The following CDH18 variants were observed in gnomAD, a reference collection of about 807,000 sequenced individuals.
CDH18 encodes the protein cadherin-18.
A neutral mutation model predicts 67.9 loss-of-function variants in CDH18; 31 were observed. The ratio of observed to expected loss-of-function variants is 0.46; its 90% CI spans 0.34 to 0.62. CDH18 has a LOEUF of 0.62. Among genes scored for constraint, CDH18 ranks in the 20% least tolerant of loss-of-function variants. The pLI is 0.01. For missense variants in CDH18, 890 were observed against 975.5 expected (o/e 0.91, Z 1.17); for synonymous variants, 362 against 347.2 (o/e 1.04, Z -0.48).
intron 2 of CDH18, among the ~76,000 whole-genome samples, chr5:20,237,326 A>G (rs925167475): frequency 6.6e-6 from 1 of 151,944 alleles, no homozygotes; most frequent in East Asian, 1.9e-4. Context: ...TTTCTTGCCC[A>G]TTAAATAAAG....
intron 1 of CDH18, among the ~76,000 whole-genome samples, chr5:20,422,540 T>C (rs955359521): frequency 6.0e-5 from 9 of 151,072 alleles, no homozygotes; most frequent in African/African-American, 1.2e-4. Flanking sequence ...TTATATTACA[T>C]ATAAATTTTA....
At chr5:19,842,363 C>T (rs1782425320) in intron 2 of CDH18, among the ~76,000 whole-genome samples, 1 of 152,104 alleles carries the variant, frequency 6.6e-6, no homozygotes. Flanking sequence ...GGCTGCTCCC[C>T]CATGCTGTTC....
At chr5:20,019,618 A>G (rs1178835476) in intron 2 of CDH18, among the ~76,000 whole-genome samples, 36 of 152,158 alleles carry the variant, frequency 2.4e-4, no homozygotes, top group Admixed American at 2.2e-3. Flanking sequence ...ACCTTCTGCC[A>G]TGATTGTACA....
At chr5:20,346,215 G>A (rs951347575) in intron 1 of CDH18, among the ~76,000 whole-genome samples, 1 of 152,078 alleles carries the variant, frequency 6.6e-6, no homozygotes, top group African/African-American at 2.4e-5. Flanking sequence ...TAACAACATG[G>A]AACACTCTAT....
intron 5 of CDH18, among the ~76,000 whole-genome samples, chr5:19,653,608 C>T (rs1755896948): frequency 1.3e-5 from 2 of 152,156 alleles, no homozygotes; most frequent in Admixed American, 6.5e-5. Flanking sequence ...TGGCACTTCT[C>T]TCACTGAAGG....
At chr5:19,546,380 C>A (rs749381998) in intron 8 of CDH18, among the ~76,000 whole-genome samples, 2 of 152,046 alleles carry the variant, frequency 1.3e-5, no homozygotes, top group Non-Finnish European at 2.9e-5. Context: ...AAATAAGAAG[C>A]ATTGTCTTTG....
chr5:19,746,194 A>G (rs1769975366), intron 4 of CDH18, among the ~76,000 whole-genome samples: 1 of 152,132 alleles, frequency 6.6e-6, no homozygotes, highest in African/African-American at 2.4e-5. Context: ...TAGCTACACC[A>G]CAGAAACCAG....
intron 2 of CDH18, among the ~76,000 whole-genome samples, chr5:20,099,441 G>C (rs1746267550): frequency 6.6e-6 from 1 of 152,106 alleles, no homozygotes; most frequent in East Asian, 1.9e-4. Context: ...ATCTACTGAG[G>C]TCCTATTAAC....
chr5:19,940,503 T>TA (rs1794705784), intron 2 of CDH18, among the ~76,000 whole-genome samples: 1 of 152,080 alleles, frequency 6.6e-6, no homozygotes. Context: ...AATCCAAATT[T>TA]ACTATTTGGC....
At chr5:19,589,517 T>C (rs892753168) in intron 7 of CDH18, among the ~76,000 whole-genome samples, 1 of 152,068 alleles carries the variant, frequency 6.6e-6, no homozygotes, top group Non-Finnish European at 1.5e-5. Flanking sequence ...CCTCATCCAT[T>C]AATTACTCTA....
intron 3 of CDH18, among the ~76,000 whole-genome samples, chr5:19,759,882 C>G (rs1474905010): frequency 6.6e-6 from 1 of 151,946 alleles, no homozygotes; most frequent in Admixed American, 6.6e-5. Flanking sequence ...TAAACTGGCT[C>G]AAGTCTGGAA....
chr5:19,740,911 C>A (rs1301411186), intron 4 of CDH18, among the ~76,000 whole-genome samples: 1 of 151,984 alleles, frequency 6.6e-6, no homozygotes, highest in Non-Finnish European at 1.5e-5. Flanking sequence ...AAGATCAAGA[C>A]TGACATGATA....
intron 6 of CDH18, among the ~76,000 whole-genome samples, chr5:19,602,381 T>G (rs1193749350): frequency 6.6e-6 from 1 of 152,026 alleles, no homozygotes; most frequent in Non-Finnish European, 1.5e-5. Flanking sequence ...AAAAAATGTG[T>G]GCACTGACAA....
chr5:19,540,654 G>T (rs146030118), intron 9 of CDH18, among the ~76,000 whole-genome samples: 201 of 152,282 alleles, frequency 1.3e-3, no homozygotes, highest in African/African-American at 4.7e-3. Flanking sequence ...CCATGTGGAA[G>T]TTGCCAAGGC....
chr5:19,702,188 C>T lies in CDH18; in HGVS notation c.643+19159G>A, dbSNP rs569543851. 4.8e-5 allele frequency among the ~76,000 whole-genome samples: 7 copies of T among 145,236 alleles called. No homozygotes were observed. In the South Asian group the frequency reaches 6.5e-4, roughly 14 times the overall value. On this transcript the variant is annotated intron_variant, in intron 5 of 12. Coordinates refer to ENST00000382275, the MANE Select transcript of CDH18 (RefSeq NM_004934.5). ...TTTTGAGATGGAGTCTCCCTCTGTC[C>T]CCCAGGCTGGAGTGCAATGGTACAA...
intron 10 of CDH18, among the ~76,000 whole-genome samples, chr5:19,510,740 T>G (rs1260865152): frequency 6.6e-6 from 1 of 151,748 alleles, no homozygotes; most frequent in African/African-American, 2.4e-5. Flanking sequence ...AGAGACCAGG[T>G]GGAGGTAATT....
rs79578919 is a variant in CDH18 at position 20,169,779 on chromosome 5, T to C, written c.-518+85665A>G. 0.02 allele frequency among the ~76,000 whole-genome samples: 2,979 copies of C among 152,142 alleles called. 229 individuals carry two copies. In the East Asian group the frequency reaches 0.28, roughly 14 times the overall value. ...AATTCCTGATTTATTAACTTTTCAA[T>C]TGGAGAAAAAAATGTAATGAATGAA... On this transcript the variant is annotated intron_variant, in intron 2 of 14. Coordinates refer to the CDH18 transcript ENST00000507958.
chr5:20,171,028 T>C (rs969421785), intron 2 of CDH18, among the ~76,000 whole-genome samples: 1 of 122,322 alleles, frequency 8.2e-6, no homozygotes, highest in Non-Finnish European at 1.7e-5. Flanking sequence ...TCCTGCAAAG[T>C]ATATGATCTC....
intron 5 of CDH18, among the ~76,000 whole-genome samples, chr5:19,645,764 C>T (rs1242596539): frequency 2.6e-5 from 4 of 152,128 alleles, no homozygotes; most frequent in African/African-American, 9.7e-5. Context: ...CCATTAACAT[C>T]TCATTACCCT....
Sources: gnomAD v4.1 joint callset for allele counts (sites outside exome capture counted in the v4.1 genomes callset) on GRCh38, gnomAD v4.1.1 for gene constraint, MANE v1.5 for transcripts, NCBI Gene and HGNC (gene_info 2026-07-23, HGNC 2026-07-21) for gene names.